The following DIAPH3 variants were observed in gnomAD, a reference collection of about 807,000 sequenced individuals.
DIAPH3 encodes diaphanous related formin 3.
Under a neutral mutation model 144.3 loss-of-function variants are expected in DIAPH3, and 117 were observed. The observed-to-expected ratio is 0.81, with a 90% CI of 0.70 to 0.95. The LOEUF is 0.95. Among genes scored for constraint, DIAPH3 ranks in the 40% least tolerant of loss-of-function variants. DIAPH3 has a pLI of 0.00. For missense variants in DIAPH3, 1,421 were observed against 1,412.7 expected, an observed-to-expected ratio of 1.01 and a Z score of -0.09; for synonymous variants, 519 against 488.9, an observed-to-expected ratio of 1.06 and a Z score of -0.81.
At chr13:60,102,776 C>A (rs1345322684) in intron 3 of DIAPH3, among the ~76,000 whole-genome samples, 1 of 152,132 alleles carries the variant, frequency 6.6e-6, no homozygotes, top group African/African-American at 2.4e-5. Context: ...TAACGACTGA[C>A]CCCTGCCAAG....
intron 27 of DIAPH3, among the ~76,000 whole-genome samples, chr13:59,722,340 C>G (rs1233290936): frequency 6.6e-6 from 1 of 152,050 alleles, no homozygotes; most frequent in African/African-American, 2.4e-5. Context: ...GGTAATGTAT[C>G]CTGGTTATGG....
intron 10 of DIAPH3, 105 bp downstream of exon 10, chr13:59,992,368 C>T: frequency 8.7e-7 from 1 of 1,151,056 alleles, no homozygotes; most frequent in South Asian, 1.4e-5. Flanking sequence ...TAACTCAAGC[C>T]TTTTCCCACA....
intron 27 of DIAPH3, among the ~76,000 whole-genome samples, chr13:59,667,915 C>T (rs527241862): frequency 6.6e-6 from 1 of 152,314 alleles, no homozygotes; most frequent in South Asian, 2.1e-4. Flanking sequence ...CAACTGAAAA[C>T]AGCTTGTACA....
intron 24 of DIAPH3, among the ~76,000 whole-genome samples, chr13:59,822,594 A>T (rs530128171): frequency 6.6e-6 from 1 of 151,920 alleles, no homozygotes; most frequent in Non-Finnish European, 1.5e-5. Flanking sequence ...GTGTGCACCA[A>T]CATGCCTGGC....
intron 17 of DIAPH3, among the ~76,000 whole-genome samples, chr13:59,933,177 G>T (rs977106339): frequency 2.2e-4 from 34 of 152,188 alleles, no homozygotes; most frequent in African/African-American, 6.8e-4. Context: ...ATACTAGCAT[G>T]CCTGGAGGAA....
chr13:59,862,251 A>G (rs768035992), intron 21 of DIAPH3, among the ~76,000 whole-genome samples: 8 of 152,216 alleles, frequency 5.3e-5, no homozygotes, highest in Non-Finnish European at 1.2e-4. Flanking sequence ...TGGCAAAGAT[A>G]TAAATCTGAA....
chr13:59,916,162 A>G lies in DIAPH3; in HGVS notation c.2258T>C (p.Met753Thr). Residue 753 changes from methionine to threonine, a missense_variant, in exon 19 of 28, where the codon ATG (methionine) becomes ACG (threonine). By Grantham distance (81) the Met-to-Thr change is moderately conservative. Coordinates refer to ENST00000400324, the MANE Select transcript of DIAPH3 (RefSeq NM_001042517.2). ...CTGTGCCTGTTTGTTTACCTGAATC[A>G]TAGACTCTGCCAACCGTGTTTCATC... ...EVDETRLAES[M>T]IQNLIKHLPD... 6.2e-7 allele frequency: 1 copy of G among 1,612,734 alleles called. No homozygotes were observed. The highest frequency in any genetic ancestry group is 1.1e-5 in the South Asian group (1 of 91,046).
intron 22 of DIAPH3, among the ~76,000 whole-genome samples, chr13:59,851,381 A>C (rs987817564): frequency 2.8e-4 from 43 of 152,030 alleles, no homozygotes; most frequent in African/African-American, 9.7e-4. Context: ...CGACTCTTTT[A>C]TGTTTTTCTC....
chr13:60,079,457 G>C (rs1388892606), intron 4 of DIAPH3, among the ~76,000 whole-genome samples: 1 of 151,928 alleles, frequency 6.6e-6, no homozygotes, highest in African/African-American at 2.4e-5. Flanking sequence ...GCTTAAGAAA[G>C]ACAAGGTTAG....
intron 27 of DIAPH3, among the ~76,000 whole-genome samples, chr13:59,772,585 T>C (rs2038179000): frequency 6.6e-6 from 1 of 152,102 alleles, no homozygotes; most frequent in Non-Finnish European, 1.5e-5. Flanking sequence ...CGTAATTGTA[T>C]CTGAGCCATT....
At chr13:59,869,614 C>T (rs766257153) in intron 21 of DIAPH3, among the ~76,000 whole-genome samples, 67 of 152,260 alleles carry the variant, frequency 4.4e-4, no homozygotes, top group Admixed American at 1.8e-3. Context: ...CTTTCCAGTA[C>T]GGAAAGGCCA....
chr13:59,687,725 T>C (rs1340121491), intron 27 of DIAPH3, among the ~76,000 whole-genome samples: 1 of 151,998 alleles, frequency 6.6e-6, no homozygotes, highest in Non-Finnish European at 1.5e-5. Flanking sequence ...AGAGAGACAA[T>C]GAACCACAAT....
At chr13:59,744,545 A>G (rs2036614307) in intron 27 of DIAPH3, among the ~76,000 whole-genome samples, 2 of 151,886 alleles carry the variant, frequency 1.3e-5, no homozygotes, top group African/African-American at 4.8e-5. Flanking sequence ...CTCATCAGCT[A>G]TCATTAGTGT....
At position 59,916,393 on chromosome 13, in the gene DIAPH3, A is replaced by G. The variant is rs965821465; in HGVS notation, c.2171-144T>C. ...ATATTATGTTTGGGGGAAACATATT[A>G]TGGGGGAAACTTTCATTACTACATT... On this transcript the variant is annotated intron_variant, in intron 18 of 27. Coordinates refer to ENST00000400324, the MANE Select transcript of DIAPH3 (RefSeq NM_001042517.2). The G allele has an allele frequency of 1.7e-5, 12 of 685,886 alleles. No individual in the cohort carries two copies. The African/African-American group carries it at 2.2e-4, about 12-fold the overall frequency. The allele number at this position is 685,886 out of a possible 1,614,324, so 42.5% of individuals were successfully genotyped here.
intron 17 of DIAPH3, among the ~76,000 whole-genome samples, chr13:59,945,914 C>T (rs983750749): frequency 1.2e-4 from 18 of 152,246 alleles, no homozygotes; most frequent in Middle Eastern, 3.4e-3. Flanking sequence ...GAAAGCTTCA[C>T]ATATTAAAAA....
chr13:60,113,897 T>C (rs2058634568), intron 2 of DIAPH3, among the ~76,000 whole-genome samples: 2 of 152,178 alleles, frequency 1.3e-5, no homozygotes. Context: ...CTACCAACTC[T>C]TTCCCTAGTC....
chr13:59,696,145 C>T (rs2138716935), intron 27 of DIAPH3: 1 of 152,276 alleles, frequency 6.6e-6, no homozygotes, highest in Middle Eastern at 3.4e-3. Context: ...ATTCAGATGA[C>T]ATGGTTCCGT....
chr13:60,089,702 G>T (rs2057868012), intron 4 of DIAPH3, among the ~76,000 whole-genome samples: 1 of 152,104 alleles, frequency 6.6e-6, no homozygotes, highest in South Asian at 2.1e-4. Context: ...CTTCTTAAAA[G>T]ACATTTTCTC....
At chr13:59,979,191 T>C (rs924900835) in intron 14 of DIAPH3, among the ~76,000 whole-genome samples, 2 of 151,702 alleles carry the variant, frequency 1.3e-5, no homozygotes, top group Non-Finnish European at 3.0e-5. Flanking sequence ...TCTATTTATA[T>C]ATTTAAAACC....
Sources: gnomAD v4.1 joint callset for allele counts (sites outside exome capture counted in the v4.1 genomes callset) on GRCh38, gnomAD v4.1.1 for gene constraint, MANE v1.5 for transcripts, NCBI Gene and HGNC (gene_info 2026-07-23, HGNC 2026-07-21) for gene names.